LRRIQ3: variants seen among roughly 807,000 people sequenced by gnomAD.
LRRIQ3 encodes the protein leucine-rich repeat and IQ domain-containing protein 3.
A neutral mutation model predicts 59.3 loss-of-function variants in LRRIQ3; 75 were observed. That is an observed-to-expected ratio of 1.26 (90% CI 1.05 to 1.53). LRRIQ3 has a LOEUF of 1.53. LRRIQ3 is among the 40% of genes most tolerant of loss of function. LRRIQ3 has a pLI of 0.00. For missense variants in LRRIQ3, 831 were observed against 710.0 expected (o/e 1.17, Z -1.94); for synonymous variants, 250 against 231.3 (o/e 1.08, Z -0.73).
chr1:74,033,054 A>G (rs1210770822), intron 7 of LRRIQ3, among the ~76,000 whole-genome samples: 2 of 152,058 alleles, frequency 1.3e-5, no homozygotes, highest in Non-Finnish European at 2.9e-5. Context: ...AGGAGAGGCC[A>G]TAAGTGGTGT....
chr1:74,111,287 T>A (rs1000733646), intron 4 of LRRIQ3, among the ~76,000 whole-genome samples: 1 of 151,876 alleles, frequency 6.6e-6, no homozygotes, highest in African/African-American at 2.4e-5. Context: ...ATACAAAATA[T>A]ATAATAAGTA....
At chr1:74,173,895 G>A (rs1223937095) in intron 3 of LRRIQ3, among the ~76,000 whole-genome samples, 1 of 151,846 alleles carries the variant, frequency 6.6e-6, no homozygotes, top group African/African-American at 2.4e-5. Context: ...TAGTATTTTT[G>A]GTTGTCACGT....
intron 6 of LRRIQ3, among the ~76,000 whole-genome samples, chr1:74,045,800 A>G (rs185212308): frequency 8.5e-5 from 13 of 152,214 alleles, no homozygotes; most frequent in Non-Finnish European, 1.6e-4. Context: ...ATACACAAGT[A>G]CTCCTATATA....
At chr1:74,160,290 C>G (rs973354856) in intron 3 of LRRIQ3, among the ~76,000 whole-genome samples, 1 of 152,082 alleles carries the variant, frequency 6.6e-6, no homozygotes, top group African/African-American at 2.4e-5. Flanking sequence ...TGTGCCTTTG[C>G]AAATGCTTTC....
intron 4 of LRRIQ3, 41 bp downstream of exon 4, chr1:74,155,692 T>A: frequency 6.6e-7 from 1 of 1,512,866 alleles, no homozygotes; most frequent in Non-Finnish European, 8.9e-7. Context: ...TTCTTCACCT[T>A]CTTATTTCAA....
chr1:74,042,507 G>C lies in LRRIQ3; in HGVS notation c.998-574C>G, dbSNP rs138382057. The stretch of plus-strand genomic sequence containing the variant: ...GACTGCTGTGATTGGCTATGACTTA[G>C]TTATCTTTTACAAAAATATACCTGT... On this transcript the variant is annotated intron_variant, in intron 6 of 7. Coordinates refer to ENST00000354431, the MANE Select transcript of LRRIQ3 (RefSeq NM_001105659.2). Among the ~76,000 whole-genome samples, 13 of 152,148 alleles carry C rather than the reference G, an allele frequency of 8.5e-5. 1 individual carries two copies. In the East Asian group the frequency reaches 2.5e-3, roughly 29 times the overall value.
At position 74,174,730 on chromosome 1, in the gene LRRIQ3, T is replaced by C. The variant is rs567037575; in HGVS notation, c.573+7808A>G. 3.3e-5 allele frequency among the ~76,000 whole-genome samples: 5 copies of C among 152,188 alleles called. No individual in the cohort carries two copies. In the South Asian group the frequency reaches 1.0e-3, roughly 32 times the overall value. ...TTTGGTTAATGTTTTCTATTTCTTG[T>C]TGGTTAATAGTTTCTATTTCTTTAA... On this transcript the variant is annotated intron_variant, in intron 3 of 7. Transcript: ENST00000354431.
chr1:74,108,041 T>G (rs1441645143), intron 5 of LRRIQ3, among the ~76,000 whole-genome samples: 1 of 151,746 alleles, frequency 6.6e-6, no homozygotes. Flanking sequence ...AAAAAATCTT[T>G]GGAAAATGAA....
chr1:74,112,622 A>T (rs1646713403), intron 4 of LRRIQ3, among the ~76,000 whole-genome samples: 1 of 152,136 alleles, frequency 6.6e-6, no homozygotes, highest in Admixed American at 6.6e-5. Context: ...ATACTAAAAA[A>T]GTTCAGACAG....
At chr1:74,048,204 C>T (rs528142005) in intron 6 of LRRIQ3, among the ~76,000 whole-genome samples, 1 of 152,236 alleles carries the variant, frequency 6.6e-6, no homozygotes, top group South Asian at 2.1e-4. Context: ...TAAAGTTGCC[C>T]AACTGGTATG....
chr1:74,160,233 G>A (rs1195297378), intron 3 of LRRIQ3, among the ~76,000 whole-genome samples: 2 of 151,982 alleles, frequency 1.3e-5, no homozygotes, highest in Non-Finnish European at 2.9e-5. Context: ...CCAAGAACAC[G>A]AAACTACTTG....
chr1:74,084,066 G>T, intron 5 of LRRIQ3: 1 of 1,030,936 alleles, frequency 9.7e-7, no homozygotes, highest in South Asian at 1.8e-5. Context: ...TATCTTGTGT[G>T]TACAGCTGAT....
chr1:74,076,963 T>G (rs559154227), intron 5 of LRRIQ3, among the ~76,000 whole-genome samples: 3 of 152,086 alleles, frequency 2.0e-5, no homozygotes, highest in Non-Finnish European at 4.4e-5. Context: ...CATTTAAAAA[T>G]TTTTCAATGT....
At chr1:74,191,942 G>A (rs1650793270) in intron 1 of LRRIQ3, among the ~76,000 whole-genome samples, 3 of 151,924 alleles carry the variant, frequency 2.0e-5, no homozygotes, top group South Asian at 4.1e-4. Flanking sequence ...CAAGAAAATT[G>A]TAATTCTTAA....
At chr1:74,181,031 A>G (rs569093403) in intron 3 of LRRIQ3, 1 of 466,626 alleles carries the variant, frequency 2.1e-6, no homozygotes. Flanking sequence ...GAATTTTGTC[A>G]GTATTATTTA....
intron 6 of LRRIQ3, among the ~76,000 whole-genome samples, chr1:74,056,843 G>A (rs529866934): frequency 2.1e-4 from 32 of 152,196 alleles, no homozygotes; most frequent in Admixed American, 1.3e-4. Context: ...CACATGTTGA[G>A]GGAGGGACCT....
At chr1:74,057,455 C>T (rs541496196) in intron 6 of LRRIQ3, among the ~76,000 whole-genome samples, 1 of 152,092 alleles carries the variant, frequency 6.6e-6, no homozygotes, top group Non-Finnish European at 1.5e-5. Context: ...CATTCACAGC[C>T]AACTGATTTT....
intron 4 of LRRIQ3, among the ~76,000 whole-genome samples, chr1:74,130,866 A>G (rs1647005506): frequency 6.6e-6 from 1 of 152,178 alleles, no homozygotes; most frequent in African/African-American, 2.4e-5. Context: ...GCAGAAGGCA[A>G]GAAATAACTA....
intron 6 of LRRIQ3, among the ~76,000 whole-genome samples, chr1:74,059,701 A>G (rs1343490003): frequency 6.6e-6 from 1 of 152,034 alleles, no homozygotes; most frequent in Non-Finnish European, 1.5e-5. Flanking sequence ...TTCTATGTGG[A>G]CTTTAGGATC....
Sources: allele counts gnomAD v4.1 joint callset (sites outside exome capture counted in the v4.1 genomes callset), GRCh38; gene constraint gnomAD v4.1.1; transcripts MANE v1.5; gene names NCBI Gene and HGNC (gene_info 2026-07-23, HGNC 2026-07-21).